The following COL12A1 variants were observed in gnomAD, a reference collection of about 807,000 sequenced individuals.
The protein encoded by COL12A1 is collagen alpha-1(XII) chain.
COL12A1 carries 114 observed loss-of-function variants against 349.7 expected under a neutral mutation model. That is an observed-to-expected ratio of 0.33 (90% CI 0.28 to 0.38). The LOEUF is 0.38. Among genes scored for constraint, COL12A1 ranks in the 10% least tolerant of loss-of-function variants. COL12A1 has a pLI of 1.00. For missense variants in COL12A1, 3,284 were observed against 3,756.9 expected (o/e 0.87, Z 3.29); for synonymous variants, 1,369 against 1,329.0 (o/e 1.03, Z -0.66).
chr6:75,138,729 T>C (rs1004852254), intron 28 of COL12A1, 93 bp downstream of exon 28: 2 of 1,572,850 alleles, frequency 1.3e-6, no homozygotes, highest in Non-Finnish European at 1.7e-6. Flanking sequence ...TAAATGCTTA[T>C]TGACAACAAG....
chr6:75,189,848 C>A (rs777255062), intron 5 of COL12A1, 33 bp from the exon 6 acceptor site: 1 of 1,599,794 alleles, frequency 6.3e-7, no homozygotes. Context: ...TTAAATGATG[C>A]TTTATTAAAT....
intron 13 of COL12A1, among the ~76,000 whole-genome samples, chr6:75,167,208 TATTTG>T (rs1768352341): frequency 6.6e-6 from 1 of 152,220 alleles, no homozygotes; most frequent in Non-Finnish European, 1.5e-5. Context: ...CTGTTTGTTT[TATTTG>T]GTTTGGCTGT....
chr6:75,096,202 A>T (rs1017404073), intron 59 of COL12A1, among the ~76,000 whole-genome samples: 1 of 152,182 alleles, frequency 6.6e-6, no homozygotes, highest in Admixed American at 6.5e-5. Flanking sequence ...TTAAAATGGA[A>T]TGTTCAGATT....
intron 58 of COL12A1, among the ~76,000 whole-genome samples, chr6:75,098,856 G>A (rs973266655): frequency 2.0e-5 from 3 of 152,072 alleles, no homozygotes; most frequent in African/African-American, 7.2e-5. Context: ...TGGCTCGTGC[G>A]CCCACATTTA....
chr6:75,142,398 T>C (rs1228931889), intron 26 of COL12A1, among the ~76,000 whole-genome samples: 1 of 152,220 alleles, frequency 6.6e-6, no homozygotes, highest in Non-Finnish European at 1.5e-5. Context: ...AATTACTGCC[T>C]ATGTATTCAA....
At position 75,156,158 on chromosome 6, in the gene COL12A1, G is replaced by A. The variant is rs879210069; in HGVS notation, c.3250+99C>T. On this transcript the variant is annotated intron_variant, in intron 15 of 65. Transcript: ENST00000322507. ...AGTAATTATAATTTAACTTATTACG[G>A]AATCAGTTTTAAACATTTACAAATG... 7 of 1,365,816 alleles carry A rather than the reference G, an allele frequency of 5.1e-6. No individual in the cohort carries two copies. The South Asian group carries it at 5.6e-5, about 11-fold the overall frequency. 84.6% of individuals were successfully genotyped at this position (1,365,816 alleles called of 1,614,324 possible).
At chr6:75,148,568 T>G in intron 21 of COL12A1, 71 bp from the exon 22 acceptor site, 1 of 1,323,490 alleles carries the variant, frequency 7.6e-7, no homozygotes, top group Non-Finnish European at 1.1e-6. Flanking sequence ...GAAATGACAT[T>G]GAAACAATAT....
At chr6:75,174,473 G>A (rs948665325) in intron 13 of COL12A1, among the ~76,000 whole-genome samples, 2 of 152,144 alleles carry the variant, frequency 1.3e-5, no homozygotes, top group Non-Finnish European at 2.9e-5. Context: ...GGAGACTGGC[G>A]TGAACCATAG....
chr6:75,119,536 A>G (rs1025250777), intron 44 of COL12A1, 63 bp from the exon 45 acceptor site: 3 of 1,539,006 alleles, frequency 1.9e-6, no homozygotes, highest in Non-Finnish European at 2.6e-6. Context: ...CAATCTTCAA[A>G]TGATTCTCTA....
In COL12A1 at chr6:75,184,277, C is replaced by T. The variant is rs561055975; in HGVS notation, c.998-133G>A. The T allele has an allele frequency of 5.2e-5, 49 of 949,890 alleles. No individual in the cohort carries two copies. In the East Asian group the frequency reaches 5.6e-4, roughly 11 times the overall value. The allele number at this position is 949,890 out of a possible 1,614,324, so 58.8% of individuals were successfully genotyped here. A position where few individuals can be genotyped will look rare whatever the true frequency, so the allele number is the denominator to read the frequency against. ...ACATTGAAAAGAGTTGCCCAATACCCGCCTCAGTCCCCAATTTCACATGTC... is the reference window on the plus strand; with the variant it reads ...ACATTGAAAAGAGTTGCCCAATACCTGCCTCAGTCCCCAATTTCACATGTC... On this transcript the variant is annotated intron_variant, in intron 8 of 65. Transcript: ENST00000322507.
At chr6:75,094,995 T>C in intron 60 of COL12A1, 113 bp downstream of exon 60, 1 of 923,276 alleles carries the variant, frequency 1.1e-6, no homozygotes. Flanking sequence ...TTTCAACAAA[T>C]GCTTCAAACA....
chr6:75,168,123 C>T (rs1358649174), intron 13 of COL12A1, among the ~76,000 whole-genome samples: 3 of 152,130 alleles, frequency 2.0e-5, no homozygotes, highest in Non-Finnish European at 4.4e-5. Flanking sequence ...AATCGAGACA[C>T]CACAATTGAG....
intron 5 of COL12A1, among the ~76,000 whole-genome samples, 196 bp from the exon 6 acceptor site, chr6:75,190,011 C>T (rs1769846428): frequency 6.6e-6 from 1 of 151,918 alleles, no homozygotes; most frequent in Admixed American, 6.6e-5. Flanking sequence ...ATGCCTTTAT[C>T]AAGATGAATT....
chr6:75,089,764 G>A (rs1478530498), intron 63 of COL12A1, among the ~76,000 whole-genome samples: 1 of 152,128 alleles, frequency 6.6e-6, no homozygotes, highest in Non-Finnish European at 1.5e-5. Flanking sequence ...TAAAACTCTA[G>A]GGCTGCCTAA....
intron 12 of COL12A1, 75 bp downstream of exon 12, chr6:75,177,588 C>T: frequency 1.9e-6 from 3 of 1,551,266 alleles, no homozygotes; most frequent in South Asian, 2.3e-5. Flanking sequence ...AGTTTTTTAT[C>T]TGGATAGTTG....
chr6:75,194,856 G>C lies in COL12A1; in HGVS notation c.165C>G (p.Tyr55Ter). The C allele has an allele frequency of 6.2e-7, 1 of 1,611,552 alleles. No homozygotes were observed. The highest frequency in any genetic ancestry group is 8.5e-7 in the Non-Finnish European group (1 of 1,178,546). ...CCGTTGTAGGGTCCACCGTTATTCT[G>C]TAACCCACAATTGGATCAACTGGTT... is the stretch of plus-strand genomic sequence containing the variant. ...WAKPVDPIVG[Y>*]RITVDPTTDG... The change falls in exon 3 of 66, where the codon TAC (tyrosine) becomes TAG (stop). Residue 55 changes from tyrosine (Y) to a stop codon, truncating the protein, a stop_gained. Coordinates refer to ENST00000322507, the MANE Select transcript of COL12A1 (RefSeq NM_004370.6). LOFTEE classifies it high-confidence loss of function.
chr6:75,102,822 A>T, intron 55 of COL12A1, 130 bp from the exon 56 acceptor site: 1 of 461,988 alleles, frequency 2.2e-6, no homozygotes, highest in African/African-American at 2.0e-5. Flanking sequence ...TTAAGAATCT[A>T]CATCTATGAA....
intron 46 of COL12A1, among the ~76,000 whole-genome samples, chr6:75,118,354 C>T (rs566608122): frequency 6.6e-6 from 1 of 152,276 alleles, no homozygotes; most frequent in African/African-American, 2.4e-5. Flanking sequence ...CATGCATGTA[C>T]AGATGACAAG....
chr6:75,176,057 G>A (rs1768924786), intron 12 of COL12A1, among the ~76,000 whole-genome samples: 1 of 152,186 alleles, frequency 6.6e-6, no homozygotes, highest in African/African-American at 2.4e-5. Flanking sequence ...CCAGCACAAA[G>A]AGCCCTAGAC....
Sources: allele counts gnomAD v4.1 joint callset (sites outside exome capture counted in the v4.1 genomes callset), GRCh38; gene constraint gnomAD v4.1.1; transcripts MANE v1.5; gene names NCBI Gene and HGNC (gene_info 2026-07-23, HGNC 2026-07-21).